Variants in TMEM164 observed in about 807,000 individuals in gnomAD.
TMEM164 encodes the protein RP13-360B22.2.
A neutral mutation model predicts 18.8 loss-of-function variants in TMEM164; 4 were observed. That is an observed-to-expected ratio of 0.21 (90% CI 0.10 to 0.49). TMEM164 has a LOEUF of 0.49. TMEM164 is among the 20% of genes least tolerant of loss of function. TMEM164 has a pLI of 0.98. For missense variants in TMEM164, 108 were observed against 239.9 expected (o/e 0.45, Z 3.63); for synonymous variants, 86 against 101.7 (o/e 0.85, Z 0.93).
At chrX:110,126,810 CTGTG>C (rs4035483) in intron 4 of TMEM164, among the ~76,000 whole-genome samples, 6,818 of 69,335 alleles carry the variant, frequency 0.098, 309 homozygotes, top group South Asian at 0.15. Context: ...TGGGCCACTC[CTGTG>C]TGTGTGTGTG....
intron 4 of TMEM164, among the ~76,000 whole-genome samples, chrX:110,122,970 C>T (rs1203340347): frequency 8.9e-6 from 1 of 112,372 alleles, no homozygotes; most frequent in Non-Finnish European, 1.9e-5. Context: ...TTTGGTATCA[C>T]ATCTAAGAAA....
intron 5 of TMEM164, among the ~76,000 whole-genome samples, chrX:110,148,847 C>G (rs2066899600): frequency 9.0e-6 from 1 of 110,672 alleles, no homozygotes; most frequent in South Asian, 3.9e-4. Context: ...TTTCAACCCT[C>G]TCTTCACTGC....
chrX:110,166,708 C>T (rs2067163070), intron 5 of TMEM164, among the ~76,000 whole-genome samples: 2 of 112,293 alleles, frequency 1.8e-5, no homozygotes, highest in African/African-American at 6.5e-5. Flanking sequence ...CCTACCTTTA[C>T]AGCTGACATG....
chrX:110,015,390 A>T (rs1326653828), intron 2 of TMEM164, among the ~76,000 whole-genome samples: 1 of 112,334 alleles, frequency 8.9e-6, no homozygotes. Flanking sequence ...CTAAACAAAC[A>T]GCAACCCAAA....
intron 2 of TMEM164, among the ~76,000 whole-genome samples, chrX:110,034,518 G>A: frequency 8.9e-6 from 1 of 112,559 alleles, no homozygotes; most frequent in East Asian, 2.8e-4. Context: ...GATAATGCCA[G>A]TATGTGAGTG....
intron 5 of TMEM164, among the ~76,000 whole-genome samples, chrX:110,167,390 T>C (rs1200208332): frequency 8.9e-6 from 1 of 112,244 alleles, no homozygotes; most frequent in East Asian, 2.8e-4. Flanking sequence ...AGCTGTATTT[T>C]CTGCCATTTG....
chrX:110,132,863 GAAGATAA>G (rs2066632088), intron 4 of TMEM164, among the ~76,000 whole-genome samples: 1 of 112,319 alleles, frequency 8.9e-6, no homozygotes, highest in Non-Finnish European at 1.9e-5. Context: ...AGGGTGTTAT[GAAGATAA>G]AAGGAGTTAA....
At chrX:110,020,409 A>G in intron 2 of TMEM164, 1 of 754,478 alleles carries the variant, frequency 1.3e-6, no homozygotes, top group African/African-American at 2.3e-5. Flanking sequence ...GGTGAAGGCT[A>G]GAAATGTTGA....
chrX:110,007,228 A>T (rs1237907988), intron 2 of TMEM164, among the ~76,000 whole-genome samples: 1 of 112,134 alleles, frequency 8.9e-6, no homozygotes, highest in East Asian at 2.8e-4. Flanking sequence ...ACTTGTGTCC[A>T]AGTTCTGTTA....
intron 2 of TMEM164, chrX:110,020,657 A>C (rs1349864924): frequency 1.3e-6 from 1 of 752,382 alleles, no homozygotes; most frequent in Admixed American, 8.8e-5. Flanking sequence ...GGAGGACCTG[A>C]GAGAAGGTAA....
intron 5 of TMEM164, among the ~76,000 whole-genome samples, chrX:110,169,105 C>A (rs5942902): frequency 8.9e-6 from 1 of 111,802 alleles, no homozygotes; most frequent in Non-Finnish European, 1.9e-5. Flanking sequence ...ACTGCCCATG[C>A]TCTTATCCAT....
At chrX:110,047,541 A>G (rs1258782921) in intron 2 of TMEM164, among the ~76,000 whole-genome samples, 2 of 112,118 alleles carry the variant, frequency 1.8e-5, no homozygotes, top group African/African-American at 6.5e-5. Flanking sequence ...ATGCCATTCA[A>G]TGGTTGTACC....
At chrX:110,124,212 A>C (rs868808639) in intron 4 of TMEM164, among the ~76,000 whole-genome samples, 15 of 94,508 alleles carry the variant, frequency 1.6e-4, no homozygotes, top group African/African-American at 3.3e-4. Context: ...GGCAGGCAGG[A>C]AGGCAGGAAG....
At chrX:110,099,353 A>G (rs1602622089) in intron 3 of TMEM164, among the ~76,000 whole-genome samples, 1 of 110,422 alleles carries the variant, frequency 9.1e-6, no homozygotes, top group African/African-American at 3.3e-5. Context: ...ACTGAAGATC[A>G]CAGATTTTTT....
chrX:110,160,785 G>A (rs1174223577), intron 5 of TMEM164, among the ~76,000 whole-genome samples: 2 of 112,032 alleles, frequency 1.8e-5, no homozygotes, highest in East Asian at 2.8e-4. Flanking sequence ...CCGTCACCCA[G>A]GCTGGAATGT....
At chrX:110,031,903 GAT>G (rs1403063221) in intron 2 of TMEM164, among the ~76,000 whole-genome samples, 2 of 106,226 alleles carry the variant, frequency 1.9e-5, no homozygotes, top group Admixed American at 2.0e-4. Context: ...TAAGTTTTAG[GAT>G]ACATGTGCAC....
intron 4 of TMEM164, among the ~76,000 whole-genome samples, chrX:110,133,634 A>G (rs1056023197): frequency 8.9e-6 from 1 of 112,150 alleles, no homozygotes; most frequent in African/African-American, 3.2e-5. Flanking sequence ...CATAAGAGTC[A>G]GTAAGTATTC....
chrX:110,159,710 C>T (rs183824155), intron 5 of TMEM164, among the ~76,000 whole-genome samples: 3 of 111,131 alleles, frequency 2.7e-5, no homozygotes, highest in African/African-American at 9.8e-5. Flanking sequence ...TGAAAGAGAA[C>T]GAGGGAAGAG....
chrX:110,074,952 G>A (rs1460692741), intron 3 of TMEM164, among the ~76,000 whole-genome samples: 1 of 111,641 alleles, frequency 9.0e-6, no homozygotes, highest in African/African-American at 3.3e-5. Flanking sequence ...CTGTTTTTTG[G>A]TTATCTATGG....
Sources: gnomAD v4.1 joint callset for allele counts (sites outside exome capture counted in the v4.1 genomes callset) on GRCh38, gnomAD v4.1.1 for gene constraint, MANE v1.5 for transcripts, NCBI Gene and HGNC (gene_info 2026-07-23, HGNC 2026-07-21) for gene names.